FADS1: variants seen among roughly 807,000 people sequenced by gnomAD.
FADS1 encodes the protein acyl-CoA (8-3)-desaturase.
FADS1 carries 17 observed loss-of-function variants against 61.6 expected under a neutral mutation model. That is an observed-to-expected ratio of 0.28 (90% CI 0.19 to 0.41). The LOEUF (loss-of-function observed/expected upper bound fraction) is 0.41, where lower values mean the gene tolerates loss of function less well. Ranked by LOEUF, FADS1 falls within the 10% of genes least tolerant of loss-of-function variation. The pLI, the probability that FADS1 is intolerant of heterozygous loss-of-function variation, is 1.00. For synonymous variants in FADS1, 238 were observed against 258.7 expected (o/e 0.92, Z 0.77); for missense variants, 387 against 650.9 (o/e 0.59, Z 4.41).
chr11:61,808,776 C>T (rs759249241), intron 5 of FADS1, among the ~76,000 whole-genome samples: 3 of 152,226 alleles, frequency 2.0e-5, no homozygotes, highest in Non-Finnish European at 2.9e-5. Flanking sequence ...CCTCAGCAAG[C>T]GTTGCTTACA....
chr11:61,807,486 G>C (rs1173962486), intron 5 of FADS1, among the ~76,000 whole-genome samples: 1 of 152,196 alleles, frequency 6.6e-6, no homozygotes, highest in Non-Finnish European at 1.5e-5. Context: ...TTGGTCTCTT[G>C]ACTTAAACAT....
intron 5 of FADS1, among the ~76,000 whole-genome samples, chr11:61,807,323 C>A (rs2066900892): frequency 6.6e-6 from 1 of 152,204 alleles, no homozygotes; most frequent in African/African-American, 2.4e-5. Context: ...CCACCTCAGC[C>A]TCCCAGAGTG....
intron 5 of FADS1, 117 bp from the exon 6 acceptor site, chr11:61,806,841 TA>T: frequency 1.1e-6 from 1 of 911,804 alleles, no homozygotes; most frequent in Non-Finnish European, 1.8e-6. Flanking sequence ...TTGTTGGTGC[TA>T]TTGGAAAGCT....
At chr11:61,806,564 T>C in intron 6 of FADS1, 100 bp downstream of exon 6, 1 of 1,115,770 alleles carries the variant, frequency 9.0e-7, no homozygotes, top group Non-Finnish European at 1.4e-6. Context: ...CTCTAGCCCC[T>C]TTCCTTAAAA....
At chr11:61,810,099 G>T (rs1267644688) in intron 5 of FADS1, among the ~76,000 whole-genome samples, 1 of 152,198 alleles carries the variant, frequency 6.6e-6, no homozygotes, top group Non-Finnish European at 1.5e-5. Context: ...TGGCCTTTTA[G>T]AACCTTCCAT....
chr11:61,812,435 G>A, intron 3 of FADS1, 36 bp downstream of exon 3: 2 of 1,598,026 alleles, frequency 1.3e-6, no homozygotes, highest in Non-Finnish European at 1.7e-6. Context: ...GGGATGCTGA[G>A]CATTGCTGTG....
Position 61,806,652 on chromosome 11 carries a change from G to A in FADS1, c.976+12C>T. The A allele has an allele frequency of 1.2e-6, 2 of 1,611,880 alleles. No homozygotes were observed. The highest frequency in any genetic ancestry group is 1.1e-5 in the South Asian group (1 of 91,040). ...CTGAGGCAGCTCCCCTGTGTTGGATGGGGACACTCACTTAGGAAGAAGTAT... is the reference window on the plus strand; with the variant it reads ...CTGAGGCAGCTCCCCTGTGTTGGATAGGGACACTCACTTAGGAAGAAGTAT... On this transcript the variant is annotated intron_variant, in intron 6 of 11. Transcript: ENST00000350997.
chr11:61,809,688 ACT>A (rs1004931290), intron 5 of FADS1, among the ~76,000 whole-genome samples: 2 of 152,188 alleles, frequency 1.3e-5, no homozygotes, highest in African/African-American at 4.8e-5. Flanking sequence ...AAATAACCAC[ACT>A]GCCCTTGAAG....
At chr11:61,804,416 C>T in intron 7 of FADS1, 2 of 430,764 alleles carry the variant, frequency 4.6e-6, no homozygotes, top group Non-Finnish European at 8.2e-6. Context: ...ATTCATCTTC[C>T]CCATTCCCAA....
At position 61,803,404 on chromosome 11, in the gene FADS1, G is replaced by T; in HGVS notation, c.1207C>A (p.His403Asn). 1 of 1,614,100 alleles carries T rather than the reference G, an allele frequency of 6.2e-7. No individual in the cohort carries two copies. The highest frequency in any genetic ancestry group is 8.5e-7 in the Non-Finnish European group (1 of 1,179,962). Residue 403 changes from histidine to asparagine, a missense_variant, in exon 9 of 12, where the codon CAC (histidine) becomes AAC (asparagine). Physicochemically the swap from His to Asn is moderately conservative, Grantham distance 68 (BLOSUM62 1). Coordinates refer to ENST00000350997, the MANE Select transcript of FADS1 (RefSeq NM_013402.7). The surrounding 1 kb of genome is among the most constrained non-coding windows in gnomAD (Gnocchi z 4.3). ...TCCATGTTCCGGTCATGATCAATGT[G>T]CATGGGAATATGGTTCATCTGTGTC... ...WVTQMNHIPMHIDHDRNMDWV... is the reference protein window; with the variant it reads ...WVTQMNHIPMNIDHDRNMDWV...
Position 61,803,641 on chromosome 11 carries a change from A to G in FADS1, c.1151+29T>C, listed in dbSNP as rs747319151. ...GTCACTCCCCAACATTTCCTTCACC[A>G]GTCCCTATCCGCCCCCACCGAATAC... On this transcript the variant is annotated intron_variant, in intron 8 of 11. Transcript: ENST00000350997. This position sits in a 1 kb window ranked among gnomAD's most constrained non-coding sequence, Gnocchi z 4.3. 2.6e-6 allele frequency: 4 copies of G among 1,565,016 alleles called. No individual in the cohort carries two copies. Among genetic ancestry groups the G allele is most frequent in the Non-Finnish European group, 3.5e-6 (4 of 1,135,246 alleles).
chr11:61,802,444 C>T lies in FADS1; in HGVS notation c.1473G>A (p.Gly491=). The change falls in exon 12 of 12, where the codon GGG becomes GGA. Residue 491 remains glycine (G), a synonymous_variant. Transcript: ENST00000350997. This position sits in a 1 kb window ranked among gnomAD's most constrained non-coding sequence, Gnocchi z 4.2. Reference sequence around the variant, plus strand: ...GAAGATAGGCATCTAGCCAGAGCTGCCCTGACTCCTTTAGTGAGCTGCAGG... The same window carrying T: ...GAAGATAGGCATCTAGCCAGAGCTGTCCTGACTCCTTTAGTGAGCTGCAGG... The part of the protein sequence containing the change: ...ADIIHSLKES[G]QLWLDAYLHQ 6.4e-7 allele frequency: 1 copy of T among 1,566,778 alleles called. No homozygotes were observed. Among genetic ancestry groups the T allele is most frequent in the South Asian group, 1.2e-5 (1 of 85,130 alleles).
Position 61,806,744 on chromosome 11 carries a change from C to T in FADS1, c.916-20G>A. On this transcript the variant is annotated intron_variant, in intron 5 of 11. Transcript: ENST00000350997. Reference sequence around the variant, plus strand: ...CCCAAGCTGTGAAGAAAAGCAAACACATGAGCATTCGGAGACCAGTGATTC... The same window carrying T: ...CCCAAGCTGTGAAGAAAAGCAAACATATGAGCATTCGGAGACCAGTGATTC... The T allele has an allele frequency of 6.2e-7, 1 of 1,612,318 alleles. No homozygotes were observed. Among genetic ancestry groups the T allele is most frequent in the Non-Finnish European group, 8.5e-7 (1 of 1,178,312 alleles).
intron 3 of FADS1, 70 bp downstream of exon 3, chr11:61,812,401 C>T: frequency 6.7e-7 from 1 of 1,496,140 alleles, no homozygotes; most frequent in Non-Finnish European, 9.3e-7. Flanking sequence ...TGGCCTTCCT[C>T]AAACACCCAA....
chr11:61,816,595 C>G lies in FADS1; in HGVS notation c.335G>C (p.Gly112Ala), dbSNP rs2066986395. Residue 112 changes from glycine to alanine, a missense_variant, in exon 1 of 12, where the codon GGC becomes GCC. Physicochemically the swap from Gly to Ala is moderately conservative, Grantham distance 60. Around this residue, in one of 2 missense-constraint regions of FADS1, gnomAD observed 257 missense variants for 533.3 expected, o/e 0.48. Transcript: ENST00000350997. This position sits in a 1 kb window ranked among gnomAD's most constrained non-coding sequence, Gnocchi z 7.0. ...ISEFTRRHPG[G>A]SRVISHYAGQ... The stretch of plus-strand genomic sequence containing the variant: ...GGCGTAGTGGCTGATGACCCGGGAG[C>G]CCCCTGGATGCCGGCGGGTGAACTC... 1 of 1,609,582 alleles carries G rather than the reference C, an allele frequency of 6.2e-7. No homozygotes were observed. Among genetic ancestry groups the G allele is most frequent in the Non-Finnish European group, 8.5e-7 (1 of 1,178,858 alleles).
chr11:61,809,345 A>T (rs1318913985), intron 5 of FADS1, among the ~76,000 whole-genome samples: 1 of 152,000 alleles, frequency 6.6e-6, no homozygotes, highest in Non-Finnish European at 1.5e-5. Flanking sequence ...TAATCTTTTT[A>T]AAAAATTATT....
In FADS1 at chr11:61,815,236, T is replaced by C. The variant is rs174561; in HGVS notation, c.375+1319A>G. On this transcript the variant is annotated intron_variant, in intron 1 of 11. Coordinates refer to ENST00000350997, the MANE Select transcript of FADS1 (RefSeq NM_013402.7). The surrounding 1 kb of genome is among the most constrained non-coding windows in gnomAD (Gnocchi z 6.4). The stretch of plus-strand genomic sequence containing the variant: ...CCAATCGCCGTCCCCGCCGCGGCAT[T>C]CCCGGCCCCAAATCACACTGCGGGA... The C allele has an allele frequency of 0.27, 45,069 of 166,768 alleles. 7,934 individuals are homozygous for C. Among genetic ancestry groups the C allele is most frequent in the East Asian group, 0.54 (2,792 of 5,176 alleles). 10.3% of individuals were successfully genotyped at this position (166,768 alleles called of 1,614,324 possible).
intron 1 of FADS1, chr11:61,813,579 AAT>A (rs1310092247): frequency 2.9e-5 from 16 of 548,716 alleles, no homozygotes; most frequent in Middle Eastern, 4.7e-4. Context: ...CTAGAGGTAA[AAT>A]GGACCAATCA....
rs200711264 is a variant in FADS1 at position 61,800,197 on chromosome 11, T to TG, written c.*2213_*2214insC. On this transcript the variant is annotated 3_prime_UTR_variant, in exon 12 of 12. Transcript: ENST00000350997. ...ACTCCTCAATTCTAAGTTTTTGTTGTTTTTTTTTTTTTTGAGACAGGGTCT... is the reference window on the plus strand; with the variant it reads ...ACTCCTCAATTCTAAGTTTTTGTTGTGTTTTTTTTTTTTTGAGACAGGGTCT... The TG allele has an allele frequency of 1.8e-4, 25 of 138,784 alleles. No individual in the cohort carries two copies. The highest frequency in any genetic ancestry group is 4.3e-4 in the Admixed American group (6 of 13,884). 8.6% of individuals were successfully genotyped at this position (138,784 alleles called of 1,614,324 possible).
Sources: allele counts gnomAD v4.1 joint callset (sites outside exome capture counted in the v4.1 genomes callset), GRCh38; gene constraint gnomAD v4.1.1; regional missense constraint gnomAD v4.1.1; non-coding constraint Gnocchi (gnomAD v3.1); transcripts MANE v1.5; gene names NCBI Gene and HGNC (gene_info 2026-07-23, HGNC 2026-07-21).